Variants in STK38 observed in about 807,000 individuals in gnomAD.
STK38 encodes the protein serine/threonine kinase 38, also known as serine/threonine-protein kinase 38.
STK38 carries 26 observed loss-of-function variants against 59.0 expected under a neutral mutation model. The ratio of observed to expected loss-of-function variants is 0.44; its 90% confidence interval spans 0.32 to 0.61. STK38 has a LOEUF of 0.61. Ranked by LOEUF, STK38 falls within the 20% of genes least tolerant of loss-of-function variation. The probability of loss-of-function intolerance (pLI) is 0.04; values close to 1 mark genes in which losing one functional copy is unlikely to be tolerated. For missense variants in STK38, 433 were observed against 566.0 expected (o/e 0.76, Z 2.38); for synonymous variants, 175 against 176.6 (o/e 0.99, Z 0.07).
chr6:36,507,065 C>T (rs896465916), intron 8 of STK38, among the ~76,000 whole-genome samples: 1 of 152,160 alleles, frequency 6.6e-6, no homozygotes, highest in Non-Finnish European at 1.5e-5. Flanking sequence ...TTGACATATG[C>T]TTTTCTAGGA....
At chr6:36,536,628 G>C (rs1361625785) in intron 2 of STK38, among the ~76,000 whole-genome samples, 1 of 152,028 alleles carries the variant, frequency 6.6e-6, no homozygotes, top group Non-Finnish European at 1.5e-5. Context: ...CCGCCTCCTG[G>C]GTTCAAGCGA....
chr6:36,526,755 C>T (rs919163350), intron 2 of STK38, among the ~76,000 whole-genome samples: 1 of 151,958 alleles, frequency 6.6e-6, no homozygotes, highest in African/African-American at 2.4e-5. Flanking sequence ...ATTAGCCAGG[C>T]ATGGTGGCAT....
intron 12 of STK38, among the ~76,000 whole-genome samples, chr6:36,497,104 G>C (rs1313351049): frequency 6.6e-6 from 1 of 152,216 alleles, no homozygotes; most frequent in Non-Finnish European, 1.5e-5. Context: ...CTACTAAAAA[G>C]GGAAACTGAA....
chr6:36,539,932 C>G, intron 2 of STK38, 140 bp downstream of exon 2: 1 of 1,369,378 alleles, frequency 7.3e-7, no homozygotes, highest in Middle Eastern at 2.8e-4. Context: ...CTTTGAAAAG[C>G]CCTTTCACTG....
At chr6:36,544,764 C>CAGGA (rs1778020317) in intron 1 of STK38, among the ~76,000 whole-genome samples, 1 of 152,030 alleles carries the variant, frequency 6.6e-6, no homozygotes, top group South Asian at 2.1e-4. Context: ...CCCAGCTACT[C>CAGGA]AGGAGGCTGA....
At chr6:36,532,622 A>G (rs1206387600) in intron 2 of STK38, among the ~76,000 whole-genome samples, 1 of 152,012 alleles carries the variant, frequency 6.6e-6, no homozygotes, top group African/African-American at 2.4e-5. Context: ...CTAAAAATAC[A>G]AAAATTAGGC....
Position 36,494,322 on chromosome 6 carries a change from G to A in STK38, c.*1462C>T, listed in dbSNP as rs1776647977. ...ACTTTCCTTTCAAAGCTGATCTTCA[G>A]AACCTCAAGACTGGCAGAAAGCAGG... is the stretch of plus-strand genomic sequence containing the variant. On this transcript the variant is annotated 3_prime_UTR_variant, in exon 14 of 14. Transcript: ENST00000229812. 1.3e-5 allele frequency: 2 copies of A among 152,796 alleles called. No homozygotes were observed. The highest frequency in any genetic ancestry group is 1.3e-4 in the Admixed American group (2 of 15,308). The allele number at this position is 152,796 out of a possible 1,614,324, so 9.5% of individuals were successfully genotyped here. A position where few individuals can be genotyped will look rare whatever the true frequency, so the allele number is the denominator to read the frequency against.
At chr6:36,501,103 C>A (rs1178863148) in intron 9 of STK38, among the ~76,000 whole-genome samples, 3 of 152,088 alleles carry the variant, frequency 2.0e-5, no homozygotes, top group African/African-American at 7.2e-5. Context: ...CAGGTGCATG[C>A]CACCACACCT....
rs1386933844 is a variant in STK38 at position 36,495,433 on chromosome 6, CT to C, written c.*350del. 2 of 220,702 alleles carry C rather than the reference CT, an allele frequency of 9.1e-6. No individual in the cohort carries two copies. Among genetic ancestry groups the C allele is most frequent in the African/African-American group, 4.6e-5 (2 of 43,554 alleles). The allele number at this position is 220,702 out of a possible 1,614,324, so 13.7% of individuals were successfully genotyped here. Reference sequence around the variant, plus strand: ...ACAGGAACTGGCTGATATTCGATGACTATACACGACAATCTCAATAATGTTG... The same window carrying C: ...ACAGGAACTGGCTGATATTCGATGACATACACGACAATCTCAATAATGTTG... On this transcript the variant is annotated 3_prime_UTR_variant, in exon 14 of 14. Transcript: ENST00000229812.
chr6:36,498,589 C>CT (rs374274208), intron 10 of STK38, 103 bp from the exon 11 acceptor site: 76,804 of 929,282 alleles, frequency 0.083, 255 homozygotes, highest in African/African-American at 0.1. Flanking sequence ...TTTCTTTTTT[C>CT]TTTTTTTTTT....
chr6:36,529,129 T>C (rs1777607720), intron 2 of STK38, among the ~76,000 whole-genome samples: 1 of 152,146 alleles, frequency 6.6e-6, no homozygotes, highest in Non-Finnish European at 1.5e-5. Context: ...CTCTGTGAGA[T>C]GACATCAAAG....
chr6:36,514,109 T>TCGA (rs1777186038), intron 7 of STK38, among the ~76,000 whole-genome samples: 1 of 143,226 alleles, frequency 7.0e-6, no homozygotes, highest in Non-Finnish European at 1.5e-5. Flanking sequence ...GAGCCGAGAC[T>TCGA]GCCCTAGTGC....
At chr6:36,512,253 G>GAA (rs1441902823) in intron 7 of STK38, among the ~76,000 whole-genome samples, 2 of 152,160 alleles carry the variant, frequency 1.3e-5, no homozygotes, top group African/African-American at 4.8e-5. Flanking sequence ...CTGCTTATGA[G>GAA]AACATTTTGC....
rs1204304062 is a variant in STK38 at position 36,524,410 on chromosome 6, C to T, written c.237G>A (p.Leu79=). 2 of 1,613,464 alleles carry T rather than the reference C, an allele frequency of 1.2e-6. No homozygotes were observed. The change falls in exon 4 of 14, where the codon TTG becomes TTA. Residue 79 remains leucine (L), a synonymous_variant. Coordinates refer to ENST00000229812, the MANE Select transcript of STK38 (RefSeq NM_007271.4). Reference sequence around the variant, plus strand: ...CTTCCAATCCAAGTCTTGTTCTCTTCAAACGAAGAAACTCTGTTTCCTTCC... The same window carrying T: ...CTTCCAATCCAAGTCTTGTTCTCTTTAAACGAAGAAACTCTGTTTCCTTCC... The part of the protein sequence containing the change: ...HARKETEFLR[L]KRTRLGLEDF...
At chr6:36,523,243 T>A (rs1350551333) in intron 4 of STK38, among the ~76,000 whole-genome samples, 9 of 150,706 alleles carry the variant, frequency 6.0e-5, no homozygotes, top group Non-Finnish European at 1.3e-4. Context: ...TATTCACATT[T>A]CCCCGGGGTA....
At chr6:36,541,870 C>T (rs933536488) in intron 1 of STK38, among the ~76,000 whole-genome samples, 1 of 151,028 alleles carries the variant, frequency 6.6e-6, no homozygotes, top group Non-Finnish European at 1.5e-5. Context: ...ACTCTGTCGC[C>T]CATGCTGGAG....
At chr6:36,513,334 GAGA>G (rs1354997075) in intron 7 of STK38, among the ~76,000 whole-genome samples, 30 of 59,964 alleles carry the variant, frequency 5.0e-4, no homozygotes, top group African/African-American at 1.1e-3. Context: ...TTTTTTTTTT[GAGA>G]AGGAGTCTCG....
At chr6:36,517,311 C>A (rs1191018948) in intron 6 of STK38, among the ~76,000 whole-genome samples, 1 of 152,030 alleles carries the variant, frequency 6.6e-6, no homozygotes, top group Non-Finnish European at 1.5e-5. Context: ...ACAAAAAATT[C>A]ACTCCTTATT....
intron 7 of STK38, among the ~76,000 whole-genome samples, chr6:36,508,563 GAT>G (rs1435991690): frequency 2.0e-5 from 3 of 152,240 alleles, no homozygotes; most frequent in African/African-American, 7.2e-5. Context: ...GATAGTCCTT[GAT>G]AAATGCTATT....
Sources: gnomAD v4.1 joint callset for allele counts (sites outside exome capture counted in the v4.1 genomes callset) on GRCh38, gnomAD v4.1.1 for gene constraint, MANE v1.5 for transcripts, NCBI Gene and HGNC (gene_info 2026-07-23, HGNC 2026-07-21) for gene names.